The following ERBB4 variants were observed in gnomAD, a reference collection of about 807,000 sequenced individuals.
ERBB4 encodes the protein receptor tyrosine-protein kinase erbB-4.
Under a neutral mutation model 158.0 loss-of-function variants are expected in ERBB4, and 42 were observed. The ratio of observed to expected loss-of-function variants is 0.27; its 90% CI spans 0.21 to 0.34. ERBB4 has a LOEUF of 0.34. ERBB4 is among the 10% of genes least tolerant of loss of function. The pLI, the probability that ERBB4 is intolerant of heterozygous loss-of-function variation, is 1.00. For missense variants in ERBB4, 1,333 were observed against 1,624.1 expected (o/e 0.82, Z 3.08); for synonymous variants, 583 against 558.7 (o/e 1.04, Z -0.61).
At chr2:211,761,527 G>A (rs185785037) in intron 4 of ERBB4, among the ~76,000 whole-genome samples, 1 of 152,124 alleles carries the variant, frequency 6.6e-6, no homozygotes. Context: ...TGGCACATCA[G>A]CCCTTTTTAT....
chr2:212,491,644 C>A (rs535642664), intron 1 of ERBB4, among the ~76,000 whole-genome samples: 2 of 151,666 alleles, frequency 1.3e-5, no homozygotes, highest in East Asian at 3.9e-4. Flanking sequence ...CATTGATTCA[C>A]TGTCTAGAAT....
chr2:212,369,903 G>A (rs538667004), intron 1 of ERBB4, among the ~76,000 whole-genome samples: 9 of 152,110 alleles, frequency 5.9e-5, no homozygotes, highest in Admixed American at 2.0e-4. Flanking sequence ...TTTGCTTCAC[G>A]TCTTGTAAAA....
At position 212,320,022 on chromosome 2, in the gene ERBB4, G is replaced by A. The variant is rs939161616; in HGVS notation, c.83-195119C>T. Among the ~76,000 whole-genome samples the A allele has an allele frequency of 8.0e-5, 12 of 149,860 alleles. 1 individual carries two copies. Among genetic ancestry groups the A allele is most frequent in the Admixed American group, 2.7e-4 (4 of 14,984 alleles). On this transcript the variant is annotated intron_variant, in intron 1 of 27. Transcript: ENST00000342788. ...AGTGGGTGGAATTTTCCTCCATACA[G>A]CCCCAAAGCAGTTGTTTCTGAATCT...
intron 1 of ERBB4, among the ~76,000 whole-genome samples, chr2:212,195,203 G>C (rs946729426): frequency 2.0e-5 from 3 of 151,772 alleles, no homozygotes; most frequent in Non-Finnish European, 4.4e-5. Flanking sequence ...TTATAAATTT[G>C]GTGTTATTAC....
At chr2:212,481,184 CAT>C (rs1307132898) in intron 1 of ERBB4, among the ~76,000 whole-genome samples, 4 of 151,676 alleles carry the variant, frequency 2.6e-5, no homozygotes, top group African/African-American at 7.3e-5. Flanking sequence ...CAAATTATAT[CAT>C]ATATGTTATA....
chr2:211,573,504 A>G (rs556186897), intron 19 of ERBB4, among the ~76,000 whole-genome samples: 5 of 152,048 alleles, frequency 3.3e-5, no homozygotes, highest in African/African-American at 1.2e-4. Context: ...CCCTGTCTCT[A>G]CTAAAAGTAC....
At chr2:212,330,048 A>G (rs2088058758) in intron 1 of ERBB4, among the ~76,000 whole-genome samples, 1 of 152,092 alleles carries the variant, frequency 6.6e-6, no homozygotes, top group Non-Finnish European at 1.5e-5. Context: ...AAGGAAGTTA[A>G]CAGTCATGGT....
intron 1 of ERBB4, among the ~76,000 whole-genome samples, chr2:212,246,218 A>G (rs2084303592): frequency 1.3e-5 from 2 of 152,234 alleles, no homozygotes; most frequent in Non-Finnish European, 2.9e-5. Flanking sequence ...TAAAGGAATT[A>G]ATTTATGCTA....
chr2:212,088,733 A>C (rs575002074), intron 2 of ERBB4, among the ~76,000 whole-genome samples: 1 of 152,328 alleles, frequency 6.6e-6, no homozygotes, highest in East Asian at 1.9e-4. Context: ...CATAATTCAT[A>C]GAAATTACTT....
intron 2 of ERBB4, among the ~76,000 whole-genome samples, chr2:212,021,754 GC>G (rs368788988): frequency 1.3e-5 from 2 of 151,936 alleles, no homozygotes; most frequent in African/African-American, 4.8e-5. Context: ...CTTCTGCAAA[GC>G]AAAAGGAACT....
At chr2:211,460,069 A>G (rs2064489543) in intron 20 of ERBB4, among the ~76,000 whole-genome samples, 1 of 152,070 alleles carries the variant, frequency 6.6e-6, no homozygotes, top group African/African-American at 2.4e-5. Context: ...CTCCATAATA[A>G]CCACCTTTTT....
chr2:211,740,055 T>C (rs983810263), intron 5 of ERBB4, among the ~76,000 whole-genome samples: 3 of 152,146 alleles, frequency 2.0e-5, no homozygotes, highest in African/African-American at 7.2e-5. Context: ...TTCTAGTCAA[T>C]GAAATTACAT....
chr2:211,557,672 G>A (rs185513258), intron 20 of ERBB4, among the ~76,000 whole-genome samples: 18 of 152,074 alleles, frequency 1.2e-4, no homozygotes, highest in African/African-American at 4.1e-4. Context: ...CATGGTGGGA[G>A]CATAAATTAG....
intron 1 of ERBB4, among the ~76,000 whole-genome samples, chr2:212,129,069 A>G (rs1290490260): frequency 6.6e-6 from 1 of 152,010 alleles, no homozygotes; most frequent in African/African-American, 2.4e-5. Context: ...TCAAATTCCA[A>G]TGAGGATGAA....
chr2:212,174,812 T>C (rs2081612454), intron 1 of ERBB4, among the ~76,000 whole-genome samples: 1 of 152,016 alleles, frequency 6.6e-6, no homozygotes, highest in Non-Finnish European at 1.5e-5. Context: ...CCAACACCGC[T>C]CTCTTAAAGA....
At position 211,420,601 on chromosome 2, in the gene ERBB4, C is replaced by T. The variant is rs1390491269; in HGVS notation, c.2975G>A (p.Arg992His). 1.7e-5 allele frequency: 27 copies of T among 1,607,364 alleles called. No homozygotes were observed. The highest frequency in any genetic ancestry group is 1.6e-4 in the East Asian group (7 of 44,794). ...GTCATTTGGACTGGGAAGCTTCATA[C>T]GATCATCACCCTAAAAGAAAGATTG... ...QRYLVIQGDD[R>H]MKLPSPNDSK... Residue 992 changes from arginine to histidine, a missense_variant, in exon 25 of 28, where the codon CGT (arginine) becomes CAT (histidine). Transcript: ENST00000342788.
intron 1 of ERBB4, among the ~76,000 whole-genome samples, chr2:212,149,466 G>A (rs187739044): frequency 1.6e-3 from 244 of 152,096 alleles, no homozygotes; most frequent in African/African-American, 2.2e-3. Flanking sequence ...TTATGAAATC[G>A]GATAATATTT....
intron 1 of ERBB4, among the ~76,000 whole-genome samples, chr2:212,172,856 C>G (rs139741227): frequency 6.6e-6 from 1 of 151,852 alleles, no homozygotes; most frequent in Admixed American, 6.6e-5. Flanking sequence ...CTGGGTGATG[C>G]GATGATTTGT....
At chr2:211,626,329 C>A (rs983345564) in intron 17 of ERBB4, among the ~76,000 whole-genome samples, 1 of 152,092 alleles carries the variant, frequency 6.6e-6, no homozygotes, top group East Asian at 1.9e-4. Flanking sequence ...TAGTTTTATG[C>A]ATGTAACATA....
Sources: gnomAD v4.1 joint callset for allele counts (sites outside exome capture counted in the v4.1 genomes callset) on GRCh38, gnomAD v4.1.1 for gene constraint, MANE v1.5 for transcripts, NCBI Gene and HGNC (gene_info 2026-07-23, HGNC 2026-07-21) for gene names.